RAB15: variants seen among roughly 807,000 people sequenced by gnomAD.
RAB15 encodes RAB15, member RAS oncogene family.
A neutral mutation model predicts 31.8 loss-of-function variants in RAB15; 13 were observed. The observed-to-expected ratio is 0.41, with a 90% CI of 0.27 to 0.65. RAB15 has a LOEUF of 0.65. Ranked by LOEUF, RAB15 falls within the 30% of genes least tolerant of loss-of-function variation. RAB15 has a pLI of 0.32. For synonymous variants in RAB15, 100 were observed against 105.6 expected (o/e 0.95, Z 0.33); for missense variants, 220 against 277.3 (o/e 0.79, Z 1.47).
rs760653848 is a variant in RAB15, at chr14:64,952,564, G to A, written c.132C>T (p.Asp44=). The change falls in exon 2 of 7, where the codon GAC becomes GAT. Residue 44 remains aspartate, a synonymous_variant. Transcript: ENST00000533601. This position sits in a 1 kb window ranked among gnomAD's most constrained non-coding sequence, Gnocchi z 4.2. ...HSSHISTIGV[D]FKMKTIEVDG... Reference sequence around the variant, plus strand: ...CTACCTCTATGGTCTTCATCTTAAAGTCAACACCTGAAGAAAGGAAGAAAG... The same window carrying A: ...CTACCTCTATGGTCTTCATCTTAAAATCAACACCTGAAGAAAGGAAGAAAG... 1 of 1,610,594 alleles carries A rather than the reference G, an allele frequency of 6.2e-7. No individual in the cohort carries two copies. Among genetic ancestry groups the A allele is most frequent in the South Asian group, 1.1e-5 (1 of 91,022 alleles).
Position 64,951,532 on chromosome 14 carries a change from A to C in RAB15, c.246+71T>G. ...TATTTAGGGGATCCGTGGCACAGAC[A>C]TCTCAAATACCCAGAGCTGGGAGTG... On this transcript the variant is annotated intron_variant, in intron 3 of 6. Transcript: ENST00000533601. The surrounding 1 kb of genome is among the most constrained non-coding windows in gnomAD (Gnocchi z 7.2). 1 of 1,382,564 alleles carries C rather than the reference A, an allele frequency of 7.2e-7. No homozygotes were observed. 85.6% of individuals were successfully genotyped at this position (1,382,564 alleles called of 1,614,324 possible). A position where few individuals can be genotyped will look rare whatever the true frequency, so the allele number is the denominator to read the frequency against.
intron 1 of RAB15, among the ~76,000 whole-genome samples, chr14:64,969,244 G>A (rs574955373): frequency 2.0e-5 from 3 of 152,266 alleles, no homozygotes; most frequent in East Asian, 1.9e-4. Flanking sequence ...TACAGGACAC[G>A]CATTTTTTAA....
In RAB15 at chr14:64,950,234, G is replaced by A; in HGVS notation, c.414+91C>T. 1.9e-6 allele frequency: 2 copies of A among 1,069,310 alleles called. No homozygotes were observed. The highest frequency in any genetic ancestry group is 3.4e-5 in the Admixed American group (2 of 59,130). 66.2% of individuals were successfully genotyped at this position (1,069,310 alleles called of 1,614,324 possible). A position where few individuals can be genotyped will look rare whatever the true frequency, so the allele number is the denominator to read the frequency against. ...GGGACGTGTGGGAGGACCTGCCACT[G>A]GGGAACACACCCCTAGGTCCCCACG... On this transcript the variant is annotated intron_variant, in intron 5 of 6. Coordinates refer to ENST00000533601, the MANE Select transcript of RAB15 (RefSeq NM_001308154.2). The surrounding 1 kb of genome is among the most constrained non-coding windows in gnomAD (Gnocchi z 5.6).
At position 64,952,296 on chromosome 14, in the gene RAB15, C is replaced by G. The variant is rs1195952887; in HGVS notation, c.185+215G>C. On this transcript the variant is annotated intron_variant, in intron 2 of 6. Coordinates refer to ENST00000533601, the MANE Select transcript of RAB15 (RefSeq NM_001308154.2). This position sits in a 1 kb window ranked among gnomAD's most constrained non-coding sequence, Gnocchi z 4.2. The stretch of plus-strand genomic sequence containing the variant: ...GTGCCAGTTCCTTCTAATTCCTGCC[C>G]TTTGGTGCTTGTAGTCAATCCCCTA... Among the ~76,000 whole-genome samples, 4 of 152,192 alleles carry G rather than the reference C, an allele frequency of 2.6e-5. No individual in the cohort carries two copies. Among genetic ancestry groups the G allele is most frequent in the Non-Finnish European group, 5.9e-5 (4 of 68,032 alleles).
rs1886690359 is a variant in RAB15, at chr14:64,958,392, T to G, written c.125-5821A>C. ...CTCTTCTGCCATGTGAGGATGGAGCTAGAAGGTGCCACCTTTGTCACAGAG... is the reference window on the plus strand; with the variant it reads ...CTCTTCTGCCATGTGAGGATGGAGCGAGAAGGTGCCACCTTTGTCACAGAG... On this transcript the variant is annotated intron_variant, in intron 1 of 6. Coordinates refer to ENST00000533601, the MANE Select transcript of RAB15 (RefSeq NM_001308154.2). The surrounding 1 kb of genome is among the most constrained non-coding windows in gnomAD (Gnocchi z 4.4). Among the ~76,000 whole-genome samples the G allele has an allele frequency of 6.6e-6, 1 of 152,134 alleles. No homozygotes were observed. Among genetic ancestry groups the G allele is most frequent in the African/African-American group, 2.4e-5 (1 of 41,428 alleles).
At chr14:64,967,395 T>G (rs1380992347) in intron 1 of RAB15, among the ~76,000 whole-genome samples, 1 of 152,158 alleles carries the variant, frequency 6.6e-6, no homozygotes, top group Non-Finnish European at 1.5e-5. Flanking sequence ...GAGACCAGCC[T>G]GGTCAACATA....
rs1040759196 is a variant in RAB15 at position 64,948,958 on chromosome 14, C to T, written c.415-225G>A. On this transcript the variant is annotated intron_variant, in intron 5 of 6. Coordinates refer to ENST00000533601, the MANE Select transcript of RAB15 (RefSeq NM_001308154.2). The surrounding 1 kb of genome is among the most constrained non-coding windows in gnomAD (Gnocchi z 7.0). ...CTCCATTCTTCCAGCTGCCACCCCA[C>T]GCCTCCCAACACACAATCATATATC... Among the ~76,000 whole-genome samples the T allele has an allele frequency of 2.6e-5, 4 of 152,198 alleles. No homozygotes were observed. Among genetic ancestry groups the T allele is most frequent in the Admixed American group, 6.5e-5 (1 of 15,282 alleles).
intron 1 of RAB15, among the ~76,000 whole-genome samples, chr14:64,961,662 C>A (rs1260576394): frequency 6.6e-6 from 1 of 152,184 alleles, no homozygotes; most frequent in Non-Finnish European, 1.5e-5. Context: ...AAACCCAGCA[C>A]TTTGGGAAGC....
chr14:64,972,044 C>T lies in RAB15; in HGVS notation c.33G>A (p.Leu11=). 3 of 1,610,884 alleles carry T rather than the reference C, an allele frequency of 1.9e-6. 1 individual carries two copies. The highest frequency in any genetic ancestry group is 2.5e-6 in the Non-Finnish European group (3 of 1,178,882). Residue 11 remains leucine (L), a synonymous_variant, in exon 1 of 7, where the codon CTG becomes CTA. Coordinates refer to ENST00000533601, the MANE Select transcript of RAB15 (RefSeq NM_001308154.2). The surrounding 1 kb of genome is among the most constrained non-coding windows in gnomAD (Gnocchi z 6.3). MAKQYDVLFR[L]LLIGDSGVGK... is the part of the protein sequence containing the mutation. ...CCACCCCGGAGTCCCCGATCAGCAG[C>T]AGCCGGAACAGCACATCGTACTGCT...
intron 1 of RAB15, among the ~76,000 whole-genome samples, chr14:64,957,281 G>C (rs1412233768): frequency 2.0e-5 from 3 of 152,100 alleles, no homozygotes; most frequent in Non-Finnish European, 4.4e-5. Context: ...CCTCCTAAGG[G>C]CTGTGCTGGG....
At position 64,952,482 on chromosome 14, in the gene RAB15, C is replaced by A. The variant is rs372729395; in HGVS notation, c.185+29G>T. ...AGCAGCCAGAAGTCCTCTTCTCCTA[C>A]ATCTGCCTCCTCCTCCTCCCCAGCT... On this transcript the variant is annotated intron_variant, in intron 2 of 6. Coordinates refer to ENST00000533601, the MANE Select transcript of RAB15 (RefSeq NM_001308154.2). This position sits in a 1 kb window ranked among gnomAD's most constrained non-coding sequence, Gnocchi z 4.2. The A allele has an allele frequency of 4.5e-5, 71 of 1,581,406 alleles. No individual in the cohort carries two copies. The highest frequency in any genetic ancestry group is 5.9e-5 in the Non-Finnish European group (68 of 1,151,048).
rs762077457 is a variant in RAB15, at chr14:64,951,178, T to G, written c.247-27A>C. On this transcript the variant is annotated intron_variant, in intron 3 of 6. Coordinates refer to ENST00000533601, the MANE Select transcript of RAB15 (RefSeq NM_001308154.2). This position sits in a 1 kb window ranked among gnomAD's most constrained non-coding sequence, Gnocchi z 7.2. ...TGAGAGAGAGAGAAATAGAGAGATG[T>G]GATATGCACAGAGAGAGTGCAGTCA... is the stretch of plus-strand genomic sequence containing the variant. 1.3e-6 allele frequency: 2 copies of G among 1,574,638 alleles called. No individual in the cohort carries two copies. The highest frequency in any genetic ancestry group is 1.7e-5 in the Admixed American group (1 of 59,862).
chr14:64,952,178 T>TG lies in RAB15; in HGVS notation c.185+332dup, dbSNP rs34543833. Among the ~76,000 whole-genome samples, 1 of 152,100 alleles carries TG rather than the reference T, an allele frequency of 6.6e-6. No homozygotes were observed. Among genetic ancestry groups the TG allele is most frequent in the Non-Finnish European group, 1.5e-5 (1 of 68,000 alleles). On this transcript the variant is annotated intron_variant, in intron 2 of 6. Transcript: ENST00000533601. This position sits in a 1 kb window ranked among gnomAD's most constrained non-coding sequence, Gnocchi z 4.2. Reference sequence around the variant, plus strand: ...TCTCTCAGGGTCTCGCCCTAAATGATGGGGGGTGTAGCCTCCTTCCTTCCA... The same window carrying TG: ...TCTCTCAGGGTCTCGCCCTAAATGATGGGGGGGTGTAGCCTCCTTCCTTCCA...
At position 64,968,432 on chromosome 14, in the gene RAB15, G is replaced by A. The variant is rs1887248211; in HGVS notation, c.124+3521C>T. Among the ~76,000 whole-genome samples the A allele has an allele frequency of 6.6e-6, 1 of 152,120 alleles. No individual in the cohort carries two copies. The highest frequency in any genetic ancestry group is 1.5e-5 in the Non-Finnish European group (1 of 68,012). On this transcript the variant is annotated intron_variant, in intron 1 of 6. Transcript: ENST00000533601. This position sits in a 1 kb window ranked among gnomAD's most constrained non-coding sequence, Gnocchi z 4.9. ...CCAGCCTCCGACAGCATGGAGTCGT[G>A]GGAATAGCACTCACCCATCCCATCC...
intron 1 of RAB15, among the ~76,000 whole-genome samples, chr14:64,957,565 C>A (rs1191218599): frequency 6.6e-6 from 1 of 152,332 alleles, no homozygotes; most frequent in Admixed American, 6.5e-5. Flanking sequence ...CAGAACCACA[C>A]CCAGGTGCAT....
intron 1 of RAB15, among the ~76,000 whole-genome samples, chr14:64,969,749 T>A (rs1887328423): frequency 6.6e-6 from 1 of 152,238 alleles, no homozygotes; most frequent in African/African-American, 2.4e-5. Context: ...CTGATTCACC[T>A]ATGTGCCCAA....
rs1223843287 is a variant in RAB15, at chr14:64,952,400, TG to T, written c.185+110del. 2.6e-6 allele frequency: 2 copies of T among 767,392 alleles called. No individual in the cohort carries two copies. Among genetic ancestry groups the T allele is most frequent in the East Asian group, 5.1e-5 (2 of 39,282 alleles). 47.5% of individuals were successfully genotyped at this position (767,392 alleles called of 1,614,324 possible). ...ACTTCGCTTCCATCCATCAGAGAGG[TG>T]GCCAGTTATCCCAGGTGAAGCCTAG... On this transcript the variant is annotated intron_variant, in intron 2 of 6. Coordinates refer to ENST00000533601, the MANE Select transcript of RAB15 (RefSeq NM_001308154.2). The surrounding 1 kb of genome is among the most constrained non-coding windows in gnomAD (Gnocchi z 4.2).
chr14:64,951,153 TGA>T lies in RAB15; in HGVS notation c.247-4_247-3del, dbSNP rs763207972. 26 of 1,608,706 alleles carry T rather than the reference TGA, an allele frequency of 1.6e-5. No individual in the cohort carries two copies. The highest frequency in any genetic ancestry group is 1.7e-5 in the Non-Finnish European group (20 of 1,177,214). On this transcript the variant is annotated splice_region_variant and splice_polypyrimidine_tract_variant and intron_variant, in intron 3 of 6. Transcript: ENST00000533601. The surrounding 1 kb of genome is among the most constrained non-coding windows in gnomAD (Gnocchi z 7.2). ...AATGTCATAGACCAAAAATATCCCCTGAGAGAGAGAGAAATAGAGAGATGTGA... is the reference window on the plus strand; with the variant it reads ...AATGTCATAGACCAAAAATATCCCCTGAGAGAGAGAAATAGAGAGATGTGA...
rs1886276447 is a variant in RAB15 at position 64,951,962 on chromosome 14, GAT to G, written c.186-301_186-300del. ...TGGCCACTGTGGCCAGATTTGGTTG[GAT>G]GGGAGTTGGCAGGGGATGCTGCTAC... On this transcript the variant is annotated intron_variant, in intron 2 of 6. Transcript: ENST00000533601. The surrounding 1 kb of genome is among the most constrained non-coding windows in gnomAD (Gnocchi z 7.2). Among the ~76,000 whole-genome samples the G allele has an allele frequency of 6.6e-6, 1 of 152,188 alleles. No individual in the cohort carries two copies.
Sources: allele counts gnomAD v4.1 joint callset (sites outside exome capture counted in the v4.1 genomes callset), GRCh38; gene constraint gnomAD v4.1.1; non-coding constraint Gnocchi (gnomAD v3.1); transcripts MANE v1.5; gene names NCBI Gene and HGNC (gene_info 2026-07-23, HGNC 2026-07-21).